Variants in TENM3 observed in about 807,000 individuals in gnomAD.
TENM3 encodes the protein teneurin transmembrane protein 3.
In TENM3, 63 loss-of-function variants were observed where a neutral mutation model predicts 255.1. The observed-to-expected ratio is 0.25, with a 90% CI of 0.20 to 0.30. The LOEUF is 0.30. Among genes scored for constraint, TENM3 ranks in the 10% least tolerant of loss-of-function variants. The pLI, the probability that TENM3 is intolerant of heterozygous loss-of-function variation, is 1.00. For missense variants in TENM3, 2,929 were observed against 3,461.1 expected (o/e 0.85, Z 3.86); for synonymous variants, 1,306 against 1,322.3 (o/e 0.99, Z 0.27).
At chr4:182,482,692 C>G (rs763190127) in intron 3 of TENM3, among the ~76,000 whole-genome samples, 5 of 152,170 alleles carry the variant, frequency 3.3e-5, no homozygotes, top group Non-Finnish European at 7.4e-5. Flanking sequence ...AGCATTGTCT[C>G]TGACACACCT....
At chr4:181,739,999 T>C in the TENM3 span, among the ~76,000 whole-genome samples, 1 of 152,332 alleles carries the variant, frequency 6.6e-6, no homozygotes, top group South Asian at 2.1e-4. Context: ...AATCCAATTT[T>C]AGTCCCTGAA....
the TENM3 span, among the ~76,000 whole-genome samples, chr4:182,039,334 G>A: frequency 9.2e-5 from 14 of 152,102 alleles, no homozygotes; most frequent in East Asian, 1.9e-4. Context: ...CACTTCCAGC[G>A]TCAGGATGTC....
At chr4:182,249,639 G>C (rs563578071) in intron 1 of TENM3, among the ~76,000 whole-genome samples, 1 of 152,330 alleles carries the variant, frequency 6.6e-6, no homozygotes, top group Non-Finnish European at 1.5e-5. Flanking sequence ...CACAGTGAGG[G>C]CACTAAGTGG....
chr4:182,051,957 G>C, the TENM3 span, among the ~76,000 whole-genome samples: 1 of 151,878 alleles, frequency 6.6e-6, no homozygotes, highest in Non-Finnish European at 1.5e-5. Context: ...ATGAGGACAG[G>C]TTTGCCTCTC....
Position 182,801,665 on chromosome 4 carries a change from G to A in TENM3, c.*1314G>A, listed in dbSNP as rs775972931. On this transcript the variant is annotated 3_prime_UTR_variant, in exon 28 of 28. Transcript: ENST00000511685. The stretch of plus-strand genomic sequence containing the variant: ...AGATCTAGGAAAGACAGCAGAAACC[G>A]AGCAGTGGTGGGTGAGCCAGATGGA... 1.3e-5 allele frequency: 2 copies of A among 152,242 alleles called. No individual in the cohort carries two copies. Among genetic ancestry groups the A allele is most frequent in the Non-Finnish European group, 2.9e-5 (2 of 68,070 alleles). 9.4% of individuals were successfully genotyped at this position (152,242 alleles called of 1,614,324 possible).
At chr4:182,140,658 T>A (rs926855879), upstream of TENM3, among the ~76,000 whole-genome samples, 1 of 152,068 alleles carries the variant, frequency 6.6e-6, no homozygotes, top group Non-Finnish European at 1.5e-5. Context: ...GCCTCGCGTG[T>A]TAAAGGAGGA....
At chr4:181,940,106 A>G in the TENM3 span, among the ~76,000 whole-genome samples, 2 of 152,338 alleles carry the variant, frequency 1.3e-5, no homozygotes, top group South Asian at 4.1e-4. Context: ...AATAAAAAAT[A>G]ACAGTGATAA....
chr4:181,673,845 GGTGTGTGTGTGTGTGT>G, the TENM3 span, among the ~76,000 whole-genome samples: 4 of 137,350 alleles, frequency 2.9e-5, no homozygotes, highest in East Asian at 2.1e-4. Flanking sequence ...AGAAGTGTGT[GGTGTGTGTGTGTGTGT>G]GTGTGTGTGT....
the TENM3 span, among the ~76,000 whole-genome samples, chr4:181,998,205 G>A: frequency 1.3e-5 from 2 of 152,080 alleles, no homozygotes; most frequent in African/African-American, 2.4e-5. Flanking sequence ...TCCAAATTTT[G>A]TATTAGCTGA....
At chr4:182,217,021 T>C (rs1755523795) in intron 1 of TENM3, among the ~76,000 whole-genome samples, 1 of 109,232 alleles carries the variant, frequency 9.2e-6, no homozygotes, top group African/African-American at 4.9e-5. Flanking sequence ...TTTTTTTTTT[T>C]TTTTTTTTTT....
chr4:181,836,981 ATTC>A, the TENM3 span, among the ~76,000 whole-genome samples: 1 of 101,348 alleles, frequency 9.9e-6, no homozygotes, highest in Non-Finnish European at 2.4e-5. Context: ...ACATTTTATT[ATTC>A]TTAAGAACTA....
the TENM3 span, among the ~76,000 whole-genome samples, chr4:181,614,616 C>T: frequency 6.6e-6 from 1 of 152,204 alleles, no homozygotes; most frequent in East Asian, 1.9e-4. Flanking sequence ...ACTGTTCTTC[C>T]TGCTCAATGT....
chr4:182,017,273 A>G, the TENM3 span, among the ~76,000 whole-genome samples: 2 of 152,252 alleles, frequency 1.3e-5, no homozygotes, highest in Non-Finnish European at 2.9e-5. Context: ...AAATACAGGC[A>G]TGAGAAATGC....
the TENM3 span, among the ~76,000 whole-genome samples, chr4:181,924,976 A>G: frequency 1.3e-5 from 2 of 152,252 alleles, no homozygotes; most frequent in Non-Finnish European, 2.9e-5. Flanking sequence ...AATTATGAGG[A>G]TGAATAGCCT....
At chr4:182,075,786 C>T in the TENM3 span, among the ~76,000 whole-genome samples, 1 of 152,216 alleles carries the variant, frequency 6.6e-6, no homozygotes, top group East Asian at 1.9e-4. Flanking sequence ...CCTGCCGTCT[C>T]ACTCTACAAA....
chr4:182,164,723 A>G (rs149909412), intron 1 of TENM3, among the ~76,000 whole-genome samples: 1 of 152,286 alleles, frequency 6.6e-6, no homozygotes, highest in African/African-American at 2.4e-5. Flanking sequence ...TGGTTGCGTG[A>G]CATAGCACCT....
chr4:182,613,581 GAAGT>G (rs1483134192), intron 4 of TENM3, among the ~76,000 whole-genome samples: 1 of 152,100 alleles, frequency 6.6e-6, no homozygotes, highest in Non-Finnish European at 1.5e-5. Context: ...AAGACTATGA[GAAGT>G]AAGTGTGAAA....
the TENM3 span, among the ~76,000 whole-genome samples, chr4:182,097,498 A>C: frequency 6.6e-6 from 1 of 152,172 alleles, no homozygotes; most frequent in East Asian, 1.9e-4. Flanking sequence ...CTTCATATAT[A>C]GGTCCCTATG....
the TENM3 span, among the ~76,000 whole-genome samples, chr4:181,934,338 T>C: frequency 6.6e-6 from 1 of 152,248 alleles, no homozygotes; most frequent in Non-Finnish European, 1.5e-5. Context: ...AGTAATTGCT[T>C]CTTGCTCAGC....
Sources: allele counts gnomAD v4.1 joint callset (sites outside exome capture counted in the v4.1 genomes callset), GRCh38; gene constraint gnomAD v4.1.1; transcripts MANE v1.5; gene names NCBI Gene and HGNC (gene_info 2026-07-23, HGNC 2026-07-21).